Variants in KCNK2 observed in about 807,000 individuals in gnomAD.
The protein encoded by KCNK2 is potassium two pore domain channel subfamily K member 2.
A neutral mutation model predicts 40.5 loss-of-function variants in KCNK2; 21 were observed. That is an observed-to-expected ratio of 0.52 (90% confidence interval 0.37 to 0.75). The LOEUF (loss-of-function observed/expected upper bound fraction) is 0.75, where lower values mean the gene tolerates loss of function less well. Among genes scored for constraint, KCNK2 ranks in the 30% least tolerant of loss-of-function variants. The probability of loss-of-function intolerance (pLI) is 0.00; values close to 1 mark genes in which losing one functional copy is unlikely to be tolerated. For missense variants in KCNK2, 399 were observed against 531.6 expected (o/e 0.75, Z 2.45); for synonymous variants, 191 against 202.2 (o/e 0.94, Z 0.47).
intron 1 of KCNK2, among the ~76,000 whole-genome samples, chr1:215,043,243 T>C (rs1270474330): frequency 6.6e-6 from 1 of 152,152 alleles, no homozygotes; most frequent in African/African-American, 2.4e-5. Flanking sequence ...GTACGGTAGT[T>C]CCTCAAAAAA....
chr1:215,049,941 C>T (rs1261214457), intron 1 of KCNK2, among the ~76,000 whole-genome samples: 1 of 152,112 alleles, frequency 6.6e-6, no homozygotes, highest in African/African-American at 2.4e-5. Flanking sequence ...TAGAGTGATT[C>T]CTACCACTTT....
chr1:215,078,287 C>T (rs2102520558), upstream of KCNK2, among the ~76,000 whole-genome samples: 1 of 152,266 alleles, frequency 6.6e-6, no homozygotes, highest in South Asian at 2.1e-4. Context: ...AGGAGCTCCC[C>T]TGGTTCATAT....
At chr1:215,115,484 A>G (rs769823849) in intron 2 of KCNK2, among the ~76,000 whole-genome samples, 7 of 152,096 alleles carry the variant, frequency 4.6e-5, no homozygotes, top group Non-Finnish European at 1.0e-4. Flanking sequence ...TTAGTGTAGC[A>G]CGCCTTGGGC....
At chr1:215,163,341 A>C (rs1358704637) in intron 3 of KCNK2, among the ~76,000 whole-genome samples, 1 of 152,150 alleles carries the variant, frequency 6.6e-6, no homozygotes, top group Non-Finnish European at 1.5e-5. Context: ...AGTTTTCTAA[A>C]TATACAATCA....
At chr1:215,149,214 G>C (rs1306155648) in intron 3 of KCNK2, among the ~76,000 whole-genome samples, 1 of 152,198 alleles carries the variant, frequency 6.6e-6, no homozygotes, top group African/African-American at 2.4e-5. Flanking sequence ...GAATGGAGGG[G>C]TTGTGGTGGT....
At chr1:215,218,869 G>A (rs1666059642) in intron 6 of KCNK2, among the ~76,000 whole-genome samples, 2 of 152,182 alleles carry the variant, frequency 1.3e-5, no homozygotes, top group Non-Finnish European at 2.9e-5. Flanking sequence ...TGTTTAAAAT[G>A]TGTGCAAAAG....
intron 1 of KCNK2, among the ~76,000 whole-genome samples, chr1:215,066,582 C>G (rs1658552165): frequency 6.6e-6 from 1 of 152,154 alleles, no homozygotes; most frequent in Non-Finnish European, 1.5e-5. Context: ...GCTCTTTGGA[C>G]CAGCCTGCCT....
intron 5 of KCNK2, among the ~76,000 whole-genome samples, chr1:215,188,344 G>A (rs1225979981): frequency 6.6e-6 from 1 of 151,982 alleles, no homozygotes; most frequent in Non-Finnish European, 1.5e-5. Flanking sequence ...TTTTCACAGT[G>A]TTATAATCAT....
intron 5 of KCNK2, among the ~76,000 whole-genome samples, chr1:215,191,500 T>G (rs1204610619): frequency 6.6e-6 from 1 of 152,084 alleles, no homozygotes; most frequent in Non-Finnish European, 1.5e-5. Flanking sequence ...ATATTTTTTG[T>G]AGTTTAATCT....
At chr1:215,056,872 G>A (rs570193796) in intron 1 of KCNK2, among the ~76,000 whole-genome samples, 2 of 152,200 alleles carry the variant, frequency 1.3e-5, no homozygotes, top group African/African-American at 4.8e-5. Context: ...CTGCTTTATA[G>A]ATAGAATAGG....
Position 215,083,196 on chromosome 1 carries a change from CCCCCCCCG to C in KCNK2, c.-184_-177del. 7 of 447,356 alleles carry C rather than the reference CCCCCCCCG, an allele frequency of 1.6e-5. No homozygotes were observed. The highest frequency in any genetic ancestry group is 4.0e-5 in the South Asian group (2 of 50,134). The allele number at this position is 447,356 out of a possible 1,614,324, so 27.7% of individuals were successfully genotyped here. ...CGCGATTTCGTTTCTTCTCACGCTC[CCCCCCCCG>C]CCCCCTCCCGCGTCCAGCCCCGCTC... On this transcript the variant is annotated 5_prime_UTR_variant, in exon 1 of 7. Transcript: ENST00000444842.
At chr1:215,037,883 T>G (rs1428621943) in intron 1 of KCNK2, among the ~76,000 whole-genome samples, 1 of 151,972 alleles carries the variant, frequency 6.6e-6, no homozygotes, top group Admixed American at 6.6e-5. Flanking sequence ...ATTTCTTTTA[T>G]TCATAATTAT....
chr1:215,236,056 C>CA lies in KCNK2; in HGVS notation c.*911_*912insA. 3 of 39,310 alleles carry CA rather than the reference C, an allele frequency of 7.6e-5. No individual in the cohort carries two copies. The highest frequency in any genetic ancestry group is 2.3e-4 in the African/African-American group (3 of 13,160). 2.4% of individuals were successfully genotyped at this position (39,310 alleles called of 1,614,324 possible). On this transcript the variant is annotated 3_prime_UTR_variant, in exon 7 of 7. Coordinates refer to ENST00000444842, the MANE Select transcript of KCNK2 (RefSeq NM_001017425.3). ...AGGCAGAAGAAGAAAATCTATCTAT[C>CA]TATCTATCTATCTATCTATCTATCT...
intron 1 of KCNK2, among the ~76,000 whole-genome samples, chr1:215,041,288 C>T (rs1657552812): frequency 2.6e-5 from 4 of 152,128 alleles, no homozygotes; most frequent in Admixed American, 2.6e-4. Context: ...ATAATAAAAG[C>T]CACTTCCAGA....
intron 3 of KCNK2, among the ~76,000 whole-genome samples, chr1:215,144,528 T>A (rs919886023): frequency 3.3e-5 from 5 of 152,174 alleles, no homozygotes; most frequent in Non-Finnish European, 7.4e-5. Context: ...TTATTTCAAG[T>A]AAAATTATAT....
At chr1:215,173,118 G>A (rs970850878) in intron 5 of KCNK2, among the ~76,000 whole-genome samples, 48 of 151,840 alleles carry the variant, frequency 3.2e-4, no homozygotes, top group Middle Eastern at 3.4e-3. Context: ...ATCCCTCCCC[G>A]CTCCCTCCAC....
intron 1 of KCNK2, among the ~76,000 whole-genome samples, chr1:215,063,724 G>A (rs569891823): frequency 2.0e-5 from 3 of 152,272 alleles, no homozygotes; most frequent in South Asian, 4.1e-4. Context: ...TGATTGGGAC[G>A]AGAATAGAAG....
At chr1:215,075,456 A>C (rs1318927459) in intron 1 of KCNK2, among the ~76,000 whole-genome samples, 1 of 152,158 alleles carries the variant, frequency 6.6e-6, no homozygotes, top group Non-Finnish European at 1.5e-5. Context: ...CAGTTTCACT[A>C]GTGTCATTCT....
chr1:215,095,674 T>G (rs1659945801), intron 2 of KCNK2, among the ~76,000 whole-genome samples: 1 of 152,020 alleles, frequency 6.6e-6, no homozygotes. Flanking sequence ...CAGGCTCCTG[T>G]TTTACCCAAC....
Sources: allele counts gnomAD v4.1 joint callset (sites outside exome capture counted in the v4.1 genomes callset), GRCh38; gene constraint gnomAD v4.1.1; transcripts MANE v1.5; gene names NCBI Gene and HGNC (gene_info 2026-07-23, HGNC 2026-07-21).